Variants in COL12A1 observed in about 807,000 individuals in gnomAD.
COL12A1 encodes collagen alpha-1(XII) chain.
Under a neutral mutation model 349.7 loss-of-function variants are expected in COL12A1, and 114 were observed. The ratio of observed to expected loss-of-function variants is 0.33; its 90% CI spans 0.28 to 0.38. The LOEUF is 0.38. COL12A1 is among the 10% of genes least tolerant of loss of function. The pLI is 1.00. For synonymous variants in COL12A1, 1,369 were observed against 1,329.0 expected, an observed-to-expected ratio of 1.03 and a Z score of -0.66; for missense variants, 3,284 against 3,756.9, an observed-to-expected ratio of 0.87 and a Z score of 3.29.
At chr6:75,192,404 A>C in intron 3 of COL12A1, 49 bp from the exon 4 acceptor site, 6 of 1,494,198 alleles carry the variant, frequency 4.0e-6, no homozygotes, top group Non-Finnish European at 5.6e-6. Context: ...CATTTTTCAC[A>C]TATAACACAA....
chr6:75,193,676 A>G (rs1770068597), intron 3 of COL12A1, among the ~76,000 whole-genome samples: 1 of 152,070 alleles, frequency 6.6e-6, no homozygotes, highest in South Asian at 2.1e-4. Context: ...GGTGTGCTGC[A>G]CCCATTAACT....
intron 7 of COL12A1, 114 bp downstream of exon 7, chr6:75,189,103 G>A: frequency 8.9e-7 from 1 of 1,117,498 alleles, no homozygotes; most frequent in Admixed American, 2.8e-5. Context: ...CTATAAAAAT[G>A]CAGTAAACAC....
intron 31 of COL12A1, among the ~76,000 whole-genome samples, chr6:75,135,493 GT>G (rs1562194367): frequency 2.0e-5 from 3 of 152,148 alleles, no homozygotes; most frequent in African/African-American, 7.2e-5. Flanking sequence ...GGAGCTTAAA[GT>G]TTTTATTCGT....
chr6:75,147,834 C>T (rs766039532), intron 22 of COL12A1, 30 bp from the exon 23 acceptor site: 65 of 1,607,652 alleles, frequency 4.0e-5, no homozygotes, highest in Non-Finnish European at 5.0e-5. Context: ...AGAGCAACAA[C>T]GTATGTATAA....
At chr6:75,143,130 AAC>A (rs529193960) in intron 26 of COL12A1, 120 bp downstream of exon 26, 310 of 1,137,404 alleles carry the variant, frequency 2.7e-4, no homozygotes, top group Non-Finnish European at 3.5e-4. Context: ...ACAAGTTTTC[AAC>A]ACTGTGTTAA....
chr6:75,113,926 G>A (rs763322859), intron 49 of COL12A1, among the ~76,000 whole-genome samples, 182 bp from the exon 50 acceptor site: 24 of 151,726 alleles, frequency 1.6e-4, no homozygotes, highest in Non-Finnish European at 3.0e-4. Flanking sequence ...TCCTTAGAAG[G>A]AGAAAAATTT....
At chr6:75,104,479 T>A (rs1052124824) in intron 54 of COL12A1, among the ~76,000 whole-genome samples, 6 of 152,204 alleles carry the variant, frequency 3.9e-5, no homozygotes, top group African/African-American at 1.4e-4. Flanking sequence ...TAAATTTTCA[T>A]GTTCTGTGAA....
At chr6:75,142,601 A>G (rs145619954) in intron 26 of COL12A1, among the ~76,000 whole-genome samples, 100 of 152,344 alleles carry the variant, frequency 6.6e-4, no homozygotes, top group Middle Eastern at 3.4e-3. Flanking sequence ...TAGCTTTTGT[A>G]TAATCCACAA....
intron 50 of COL12A1, 143 bp from the exon 51 acceptor site, chr6:75,113,456 G>A: frequency 1.1e-6 from 1 of 906,708 alleles, no homozygotes. Context: ...GATATTTACT[G>A]ATGTGTTATA....
chr6:75,195,546 G>T (rs568191279), intron 2 of COL12A1, among the ~76,000 whole-genome samples: 1 of 152,018 alleles, frequency 6.6e-6, no homozygotes, highest in East Asian at 1.9e-4. Context: ...AAGGAATCAT[G>T]GGAAAGTTAT....
intron 31 of COL12A1, among the ~76,000 whole-genome samples, chr6:75,136,609 T>C (rs1434891288): frequency 1.3e-5 from 2 of 152,170 alleles, no homozygotes; most frequent in Non-Finnish European, 2.9e-5. Flanking sequence ...TAAGGCTATA[T>C]AAGAAAATAT....
intron 2 of COL12A1, among the ~76,000 whole-genome samples, chr6:75,202,214 T>C (rs1482211700): frequency 6.6e-6 from 1 of 152,232 alleles, no homozygotes; most frequent in African/African-American, 2.4e-5. Flanking sequence ...CCCCGCCGAC[T>C]GAGCTCCCCA....
At chr6:75,134,894 C>CT (rs1457022458) in intron 31 of COL12A1, 39 bp from the exon 32 acceptor site, 1 of 1,586,632 alleles carries the variant, frequency 6.3e-7, no homozygotes, top group East Asian at 2.3e-5. Flanking sequence ...CAGCCTTGCT[C>CT]TCTCCATCTC....
intron 4 of COL12A1, 30 bp downstream of exon 4, chr6:75,192,182 A>G (rs1769965092): frequency 1.4e-6 from 2 of 1,422,170 alleles, no homozygotes; most frequent in Non-Finnish European, 1.9e-6. Flanking sequence ...TAAAAATTAT[A>G]CAAATATTTT....
chr6:75,138,751 T>C, intron 28 of COL12A1, 71 bp downstream of exon 28: 2 of 1,598,384 alleles, frequency 1.3e-6, no homozygotes, highest in Non-Finnish European at 1.7e-6. Flanking sequence ...GTAATACTTC[T>C]TTGAACTAAG....
At chr6:75,156,604 ACT>A (rs1767784861) in intron 14 of COL12A1, 81 bp from the exon 15 acceptor site, 5 of 1,331,918 alleles carry the variant, frequency 3.8e-6, no homozygotes, top group Non-Finnish European at 5.2e-6. Flanking sequence ...GTGAAAAGAA[ACT>A]CTCTGTGGCT....
intron 13 of COL12A1, among the ~76,000 whole-genome samples, chr6:75,170,430 T>G (rs545324566): frequency 6.6e-6 from 1 of 152,344 alleles, no homozygotes; most frequent in South Asian, 2.1e-4. Context: ...ACATTTGATT[T>G]ACAACCAATG....
chr6:75,187,595 G>A (rs1162829504), intron 8 of COL12A1, among the ~76,000 whole-genome samples: 1 of 152,016 alleles, frequency 6.6e-6, no homozygotes, highest in Admixed American at 6.6e-5. Flanking sequence ...AGTAATGAGA[G>A]GTTCTGAGAC....
At chr6:75,166,658 T>A (rs1768327280) in intron 13 of COL12A1, among the ~76,000 whole-genome samples, 1 of 152,148 alleles carries the variant, frequency 6.6e-6, no homozygotes, top group Non-Finnish European at 1.5e-5. Context: ...ATGACATAAA[T>A]ACAAATCTAT....
Sources: allele counts gnomAD v4.1 joint callset (sites outside exome capture counted in the v4.1 genomes callset), GRCh38; gene constraint gnomAD v4.1.1; transcripts MANE v1.5; gene names NCBI Gene and HGNC (gene_info 2026-07-23, HGNC 2026-07-21).